Variants in CEP70 observed in about 807,000 individuals in gnomAD.
CEP70 encodes centrosomal protein of 70 kDa.
In CEP70, 70 loss-of-function variants were observed where a neutral mutation model predicts 90.9. That is an observed-to-expected ratio of 0.77 (90% CI 0.64 to 0.94). CEP70 has a LOEUF of 0.94. CEP70 is among the 40% of genes least tolerant of loss of function. CEP70 has a pLI of 0.00. For synonymous variants in CEP70, 220 were observed against 228.3 expected, an observed-to-expected ratio of 0.96 and a Z score of 0.33; for missense variants, 648 against 669.0, an observed-to-expected ratio of 0.97 and a Z score of 0.35.
chr3:138,550,505 A>C (rs1316837933), intron 6 of CEP70, among the ~76,000 whole-genome samples: 1 of 152,144 alleles, frequency 6.6e-6, no homozygotes, highest in East Asian at 1.9e-4. Context: ...CTGGGATTAC[A>C]GGCATGTGCC....
At chr3:138,528,479 T>C (rs2037501910) in intron 10 of CEP70, among the ~76,000 whole-genome samples, 1 of 152,236 alleles carries the variant, frequency 6.6e-6, no homozygotes, top group African/African-American at 2.4e-5. Context: ...TATAAGAATA[T>C]TATGTACTCA....
intron 2 of CEP70, among the ~76,000 whole-genome samples, chr3:138,588,915 T>C (rs2042240488): frequency 1.3e-5 from 2 of 152,176 alleles, no homozygotes; most frequent in South Asian, 4.1e-4. Flanking sequence ...AAAGAATATG[T>C]GCAACATGGA....
intron 6 of CEP70, among the ~76,000 whole-genome samples, chr3:138,542,353 G>A (rs1375723210): frequency 6.6e-6 from 1 of 152,260 alleles, no homozygotes; most frequent in Non-Finnish European, 1.5e-5. Context: ...GGCCCAAAGA[G>A]GGTGTTAGAG....
chr3:138,524,854 G>A (rs1289043949), intron 11 of CEP70, among the ~76,000 whole-genome samples: 1 of 152,206 alleles, frequency 6.6e-6, no homozygotes, highest in Non-Finnish European at 1.5e-5. Context: ...AAGACAGTGT[G>A]GTGATTCCTC....
At chr3:138,507,781 A>C (rs1428672320) in intron 12 of CEP70, among the ~76,000 whole-genome samples, 1 of 152,222 alleles carries the variant, frequency 6.6e-6, no homozygotes, top group African/African-American at 2.4e-5. Context: ...TTCTGCTGTG[A>C]TAATAACCAT....
intron 12 of CEP70, among the ~76,000 whole-genome samples, chr3:138,506,735 A>G (rs2035019701): frequency 3.9e-5 from 6 of 152,100 alleles, no homozygotes; most frequent in Admixed American, 3.9e-4. Context: ...AAATTGATGT[A>G]TGTATATTTG....
At chr3:138,559,426 G>A (rs139167176) in intron 6 of CEP70, among the ~76,000 whole-genome samples, 2 of 152,278 alleles carry the variant, frequency 1.3e-5, no homozygotes, top group African/African-American at 4.8e-5. Flanking sequence ...TAGGCACAAA[G>A]TAAAAATGCT....
chr3:138,534,272 C>T (rs2038080536), intron 7 of CEP70, among the ~76,000 whole-genome samples: 2 of 152,158 alleles, frequency 1.3e-5, no homozygotes, highest in Non-Finnish European at 2.9e-5. Context: ...AATGTCACAA[C>T]TTTCTAGATT....
intron 6 of CEP70, among the ~76,000 whole-genome samples, chr3:138,549,383 A>G (rs749481642): frequency 6.6e-6 from 1 of 151,790 alleles, no homozygotes; most frequent in Non-Finnish European, 1.5e-5. Flanking sequence ...GCATGATGGG[A>G]GTGAGACCGG....
At chr3:138,516,146 T>C (rs1427153642) in intron 11 of CEP70, among the ~76,000 whole-genome samples, 1 of 152,218 alleles carries the variant, frequency 6.6e-6, no homozygotes, top group Non-Finnish European at 1.5e-5. Flanking sequence ...GAAATTGTCT[T>C]ATTTTTTCAT....
intron 6 of CEP70, among the ~76,000 whole-genome samples, chr3:138,559,164 G>C (rs1041509267): frequency 1.3e-5 from 2 of 151,944 alleles, no homozygotes; most frequent in East Asian, 3.9e-4. Flanking sequence ...ATAACCGAAA[G>C]AAAATATCCA....
intron 17 of CEP70, chr3:138,495,963 T>G: frequency 3.0e-6 from 3 of 985,326 alleles, no homozygotes; most frequent in Non-Finnish European, 3.6e-6. Context: ...GATAAACCAA[T>G]CCAGGCTCTT....
At chr3:138,532,698 T>G (rs1214722039) in intron 7 of CEP70, 128 bp from the exon 8 acceptor site, 1 of 835,178 alleles carries the variant, frequency 1.2e-6, no homozygotes, top group Non-Finnish European at 1.6e-6. Context: ...TTTAAAAAAT[T>G]TAAGTGATTC....
chr3:138,558,904 G>C (rs2040206287), intron 6 of CEP70, among the ~76,000 whole-genome samples: 1 of 152,130 alleles, frequency 6.6e-6, no homozygotes. Context: ...CAAATTATCA[G>C]ACATGCTGAC....
Position 138,496,245 on chromosome 3 carries a change from G to T in CEP70, c.1733-1169C>A, listed in dbSNP as rs2033948065. On this transcript the variant is annotated intron_variant, in intron 17 of 17. Transcript: ENST00000264982. ...TTCTTGGATTCCAACTCTCTCCATTGTGTAGCTGGATCTTGGTTGCTCTTC... is the reference window on the plus strand; with the variant it reads ...TTCTTGGATTCCAACTCTCTCCATTTTGTAGCTGGATCTTGGTTGCTCTTC... The T allele has an allele frequency of 1.5e-5, 15 of 985,244 alleles. No individual in the cohort carries two copies. The South Asian group carries it at 6.6e-4, about 43-fold the overall frequency. 61.0% of individuals were successfully genotyped at this position (985,244 alleles called of 1,614,324 possible).
At chr3:138,523,029 G>A (rs1201750783) in intron 11 of CEP70, among the ~76,000 whole-genome samples, 3 of 152,256 alleles carry the variant, frequency 2.0e-5, no homozygotes, top group East Asian at 3.9e-4. Flanking sequence ...ATCCACCATA[G>A]TCAAGTGGGC....
Position 138,532,539 on chromosome 3 carries a change from T to C in CEP70, c.667A>G (p.Lys223Glu). ...CTTTGTGTATGAATTTTTCTAATTTTAGATTCATAGTAATCAATTAGACAA... is the reference window on the plus strand; with the variant it reads ...CTTTGTGTATGAATTTTTCTAATTTCAGATTCATAGTAATCAATTAGACAA... ...LLCLIDYYESKIRKIHTQRQY... is the reference protein window; with the variant it reads ...LLCLIDYYESEIRKIHTQRQY... Residue 223 changes from lysine to glutamate, a missense_variant, in exon 8 of 18, where the codon AAA becomes GAA. Coordinates refer to ENST00000264982, the MANE Select transcript of CEP70 (RefSeq NM_024491.4). 6.6e-7 allele frequency: 1 copy of C among 1,510,248 alleles called. No individual in the cohort carries two copies. The highest frequency in any genetic ancestry group is 8.9e-7 in the Non-Finnish European group (1 of 1,128,676). The allele number at this position is 1,510,248 out of a possible 1,614,324, so 93.6% of individuals were successfully genotyped here. A position where few individuals can be genotyped will look rare whatever the true frequency, so the allele number is the denominator to read the frequency against.
rs372342514 is a variant in CEP70, at chr3:138,573,388, A to G, written c.-5-456T>C. 3.3e-5 allele frequency among the ~76,000 whole-genome samples: 5 copies of G among 152,040 alleles called. No homozygotes were observed. In the East Asian group the frequency reaches 7.7e-4, roughly 23 times the overall value. ...TTGCAACTGGGATACAGTAAAAAAA[A>G]AAAAGAAAAAAGAAAAAAAAAGTCA... On this transcript the variant is annotated intron_variant, in intron 2 of 17. Transcript: ENST00000264982.
intron 7 of CEP70, among the ~76,000 whole-genome samples, chr3:138,534,865 C>A (rs1244743667): frequency 6.6e-6 from 1 of 152,208 alleles, no homozygotes; most frequent in South Asian, 2.1e-4. Flanking sequence ...CTCCTCCACT[C>A]CTTTCAACAT....
Sources: gnomAD v4.1 joint callset for allele counts (sites outside exome capture counted in the v4.1 genomes callset) on GRCh38, gnomAD v4.1.1 for gene constraint, MANE v1.5 for transcripts, NCBI Gene and HGNC (gene_info 2026-07-23, HGNC 2026-07-21) for gene names.